Variants in CCDC178 observed in about 807,000 individuals in gnomAD.
The protein encoded by CCDC178 is coiled-coil domain containing 178.
Under a neutral mutation model 117.4 loss-of-function variants are expected in CCDC178, and 126 were observed. The observed-to-expected ratio is 1.07, with a 90% CI of 0.93 to 1.24. The LOEUF (loss-of-function observed/expected upper bound fraction) is 1.24, where lower values mean the gene tolerates loss of function less well. Ranked by LOEUF, CCDC178 falls within the 50% of genes most tolerant of loss-of-function variation. The pLI, the probability that CCDC178 is intolerant of heterozygous loss-of-function variation, is 0.00. For missense variants in CCDC178, 1,030 were observed against 986.9 expected, an observed-to-expected ratio of 1.04 and a Z score of -0.59; for synonymous variants, 283 against 313.4, an observed-to-expected ratio of 0.90 and a Z score of 1.02.
In CCDC178 at chr18:33,200,878, G is replaced by T. The variant is rs1232775015; in HGVS notation, c.2238+11018C>A. 5.3e-5 allele frequency among the ~76,000 whole-genome samples: 8 copies of T among 152,170 alleles called. No homozygotes were observed. In the East Asian group the frequency reaches 1.5e-3, roughly 29 times the overall value. Reference sequence around the variant, plus strand: ...AGGTGTTGCCTTTGTAATACGCTCAGAATCTCACACAGATTCTGACAACAC... The same window carrying T: ...AGGTGTTGCCTTTGTAATACGCTCATAATCTCACACAGATTCTGACAACAC... On this transcript the variant is annotated intron_variant, in intron 20 of 22. Coordinates refer to ENST00000383096, the MANE Select transcript of CCDC178 (RefSeq NM_001105528.4).
chr18:33,407,736 G>A (rs1248592723), intron 3 of CCDC178, among the ~76,000 whole-genome samples: 1 of 151,812 alleles, frequency 6.6e-6, no homozygotes, highest in Non-Finnish European at 1.5e-5. Flanking sequence ...AATCAATAGT[G>A]AATAGAAGAT....
chr18:33,311,743 A>C (rs1258214540), intron 11 of CCDC178, among the ~76,000 whole-genome samples: 1 of 151,984 alleles, frequency 6.6e-6, no homozygotes, highest in Non-Finnish European at 1.5e-5. Context: ...GGGCCTGGGG[A>C]CTCCTCAGTT....
At chr18:33,168,393 T>C (rs2058558628) in intron 20 of CCDC178, among the ~76,000 whole-genome samples, 1 of 152,202 alleles carries the variant, frequency 6.6e-6, no homozygotes, top group Admixed American at 6.5e-5. Flanking sequence ...CAGATGGCTG[T>C]AGGTGTGCAG....
Position 33,011,788 on chromosome 18 carries a change from A to T in CCDC178, c.2389-37107T>A, listed in dbSNP as rs920832079. 9.0e-3 allele frequency among the ~76,000 whole-genome samples: 1,059 copies of T among 118,190 alleles called. 5 individuals are homozygous for T. Among genetic ancestry groups the T allele is most frequent in the African/African-American group, 0.015 (421 of 27,998 alleles). The allele number at this position is 118,190 out of a possible 152,430, so 77.5% of individuals were successfully genotyped here. A position where few individuals can be genotyped will look rare whatever the true frequency, so the allele number is the denominator to read the frequency against. Reference sequence around the variant, plus strand: ...AATGCAAAAAAAAAAAAAAAAAAAAAAAAAAAAAAAAAAAAAAAAAGGACA... The same window carrying T: ...AATGCAAAAAAAAAAAAAAAAAAAATAAAAAAAAAAAAAAAAAAAAGGACA... On this transcript the variant is annotated intron_variant, in intron 21 of 22. Transcript: ENST00000383096.
chr18:33,215,118 T>C (rs2059149886), intron 19 of CCDC178, among the ~76,000 whole-genome samples: 1 of 152,026 alleles, frequency 6.6e-6, no homozygotes, highest in African/African-American at 2.4e-5. Context: ...TAAGAAACTT[T>C]TGAAATGATA....
intron 2 of CCDC178, among the ~76,000 whole-genome samples, chr18:33,420,730 C>T (rs1440125893): frequency 6.6e-6 from 1 of 151,976 alleles, no homozygotes; most frequent in Admixed American, 6.6e-5. Context: ...ACACCAAACT[C>T]CCGTAACACA....
chr18:33,322,875 C>A (rs542460406), intron 11 of CCDC178, among the ~76,000 whole-genome samples: 2 of 151,230 alleles, frequency 1.3e-5, no homozygotes, highest in South Asian at 2.1e-4. Context: ...ACTATAAATT[C>A]TTTTATACTA....
At chr18:32,991,298 T>A (rs951060129) in intron 21 of CCDC178, among the ~76,000 whole-genome samples, 1 of 152,134 alleles carries the variant, frequency 6.6e-6, no homozygotes, top group Non-Finnish European at 1.5e-5. Flanking sequence ...TTAGGTATTG[T>A]GTACATAAAT....
chr18:33,200,258 G>A (rs894139903), intron 20 of CCDC178, among the ~76,000 whole-genome samples: 1 of 152,206 alleles, frequency 6.6e-6, no homozygotes, highest in Non-Finnish European at 1.5e-5. Flanking sequence ...TTTGATGGGA[G>A]AGGCTTCTAA....
chr18:32,944,140 T>C (rs1451097623), intron 22 of CCDC178, among the ~76,000 whole-genome samples: 1 of 152,016 alleles, frequency 6.6e-6, no homozygotes, highest in Non-Finnish European at 1.5e-5. Context: ...CCTCAAGGGA[T>C]GTGGAAATAA....
intron 14 of CCDC178, among the ~76,000 whole-genome samples, chr18:33,246,464 G>C (rs2059549871): frequency 6.6e-6 from 1 of 151,768 alleles, no homozygotes; most frequent in South Asian, 2.1e-4. Context: ...AGAGAAGATT[G>C]AATTAGTGTG....
At chr18:33,286,642 G>T (rs1344316646) in intron 12 of CCDC178, among the ~76,000 whole-genome samples, 1 of 151,962 alleles carries the variant, frequency 6.6e-6, no homozygotes, top group Non-Finnish European at 1.5e-5. Flanking sequence ...AGATTTCTAT[G>T]AAAAACAATA....
At chr18:33,388,581 G>A (rs1444622099) in intron 5 of CCDC178, among the ~76,000 whole-genome samples, 13 of 128,672 alleles carry the variant, frequency 1.0e-4, no homozygotes, top group African/African-American at 2.1e-4. Context: ...GTGCAGTGGC[G>A]GGATCTCGGC....
chr18:33,389,692 A>C, intron 4 of CCDC178, 63 bp from the exon 5 acceptor site: 1 of 763,602 alleles, frequency 1.3e-6, no homozygotes, highest in Non-Finnish European at 2.0e-6. Flanking sequence ...TTTTAAAATA[A>C]GCACCACCAT....
chr18:33,112,149 T>C (rs1261985292), intron 20 of CCDC178, among the ~76,000 whole-genome samples: 2 of 151,748 alleles, frequency 1.3e-5, no homozygotes, highest in Non-Finnish European at 2.9e-5. Context: ...ACATAGTCTT[T>C]CTTATTTTCA....
At chr18:33,086,415 T>C (rs2057378533) in intron 21 of CCDC178, among the ~76,000 whole-genome samples, 1 of 149,712 alleles carries the variant, frequency 6.7e-6, no homozygotes, top group Admixed American at 6.7e-5. Flanking sequence ...TATACATATA[T>C]AAATATATAT....
At position 33,215,687 on chromosome 18, in the gene CCDC178, G is replaced by T. The variant is rs1390329835; in HGVS notation, c.1941C>A (p.Arg647=). 6.6e-7 allele frequency: 1 copy of T among 1,517,920 alleles called. No homozygotes were observed. Among genetic ancestry groups the T allele is most frequent in the Non-Finnish European group, 8.8e-7 (1 of 1,140,810 alleles). The allele number at this position is 1,517,920 out of a possible 1,614,324, so 94.0% of individuals were successfully genotyped here. ...LDALIETESK[R]SAIFKDLEAT... ...CTTCTAGGTCTTTAAAAATTGCTGA[G>T]CGTTTACTCTGAAAAAAAATATACA... The change falls in exon 19 of 23, where the codon CGC becomes CGA. Residue 647 remains arginine (R), a synonymous_variant. Transcript: ENST00000383096.
At chr18:33,194,560 C>T (rs547358122) in intron 20 of CCDC178, among the ~76,000 whole-genome samples, 1 of 152,266 alleles carries the variant, frequency 6.6e-6, no homozygotes, top group Admixed American at 6.5e-5. Context: ...TTCCCCCATC[C>T]AATAAAACTT....
intron 21 of CCDC178, among the ~76,000 whole-genome samples, chr18:33,086,445 CATAT>C (rs917128865): frequency 6.7e-6 from 1 of 148,232 alleles, no homozygotes; most frequent in Admixed American, 6.8e-5. Flanking sequence ...CACACACACA[CATAT>C]ATATATATAG....
Sources: gnomAD v4.1 joint callset for allele counts (sites outside exome capture counted in the v4.1 genomes callset) on GRCh38, gnomAD v4.1.1 for gene constraint, MANE v1.5 for transcripts, NCBI Gene and HGNC (gene_info 2026-07-23, HGNC 2026-07-21) for gene names.